The following LHFPL6 variants were observed in gnomAD, a reference collection of about 807,000 sequenced individuals.
LHFPL6 encodes LHFPL tetraspan subfamily member 6, also known as LHFPL tetraspan subfamily member 6 protein.
A neutral mutation model predicts 20.6 loss-of-function variants in LHFPL6; 9 were observed. The ratio of observed to expected loss-of-function variants is 0.44; its 90% confidence interval spans 0.26 to 0.76. LHFPL6 has a LOEUF of 0.76. Among genes scored for constraint, LHFPL6 ranks in the 30% least tolerant of loss-of-function variants. The pLI is 0.20. For missense variants in LHFPL6, 218 were observed against 253.5 expected (o/e 0.86, Z 0.95); for synonymous variants, 105 against 98.7 (o/e 1.06, Z -0.38).
At chr13:39,467,070 C>A (rs192259074) in intron 2 of LHFPL6, among the ~76,000 whole-genome samples, 4 of 150,042 alleles carry the variant, frequency 2.7e-5, no homozygotes, top group Admixed American at 2.6e-4. Flanking sequence ...CAAGGAGCTA[C>A]AGCAAATATG....
intron 3 of LHFPL6, among the ~76,000 whole-genome samples, chr13:39,353,168 A>C (rs933487050): frequency 1.3e-5 from 2 of 150,242 alleles, no homozygotes; most frequent in Non-Finnish European, 3.0e-5. Flanking sequence ...TTTTTAGTAG[A>C]GATGATGGGG....
chr13:39,454,823 T>G (rs1384285796), intron 2 of LHFPL6, among the ~76,000 whole-genome samples: 1 of 152,206 alleles, frequency 6.6e-6, no homozygotes, highest in Non-Finnish European at 1.5e-5. Flanking sequence ...GTCTTCCTAC[T>G]GATACATTTA....
chr13:39,479,556 T>C (rs1023850147), intron 2 of LHFPL6, among the ~76,000 whole-genome samples: 2 of 152,110 alleles, frequency 1.3e-5, no homozygotes. Context: ...TAGAAAAGCA[T>C]CAACAGTAAT....
chr13:39,364,097 G>A (rs1001444595), intron 3 of LHFPL6, among the ~76,000 whole-genome samples: 1 of 152,138 alleles, frequency 6.6e-6, no homozygotes, highest in Non-Finnish European at 1.5e-5. Context: ...TATGTAGTGC[G>A]TGACTGTACT....
chr13:39,580,008 T>A (rs750899), intron 2 of LHFPL6, among the ~76,000 whole-genome samples: 1 of 152,136 alleles, frequency 6.6e-6, no homozygotes, highest in African/African-American at 2.4e-5. Flanking sequence ...AAAATGTATA[T>A]AAACATTTAT....
chr13:39,569,518 A>G lies in LHFPL6; in HGVS notation c.385+31314T>C, dbSNP rs542882199. Among the ~76,000 whole-genome samples, 6 of 152,334 alleles carry G rather than the reference A, an allele frequency of 3.9e-5. No homozygotes were observed. The South Asian group carries it at 1.0e-3, about 26-fold the overall frequency. ...AATGGTATTATTAACCAGATGTCCTAAAAAACTTACTCAAGAAAAAGTAGA... is the reference window on the plus strand; with the variant it reads ...AATGGTATTATTAACCAGATGTCCTGAAAAACTTACTCAAGAAAAAGTAGA... On this transcript the variant is annotated intron_variant, in intron 2 of 3. Coordinates refer to ENST00000379589, the MANE Select transcript of LHFPL6 (RefSeq NM_005780.3).
intron 3 of LHFPL6, among the ~76,000 whole-genome samples, chr13:39,369,456 C>CA: frequency 6.6e-6 from 1 of 152,026 alleles, no homozygotes; most frequent in Non-Finnish European, 1.5e-5. Context: ...GTGGTTAGGC[C>CA]ATTAGTCCCT....
chr13:39,574,215 G>T (rs922072960), intron 2 of LHFPL6, among the ~76,000 whole-genome samples: 2 of 152,188 alleles, frequency 1.3e-5, no homozygotes, highest in African/African-American at 2.4e-5. Context: ...GGGCGCGGTG[G>T]CTCACGCCTG....
At chr13:39,365,383 C>G (rs934134433) in intron 3 of LHFPL6, among the ~76,000 whole-genome samples, 7 of 152,226 alleles carry the variant, frequency 4.6e-5, no homozygotes, top group South Asian at 2.1e-4. Flanking sequence ...CGGAACGGAA[C>G]TGCAGCAAGC....
intron 2 of LHFPL6, among the ~76,000 whole-genome samples, chr13:39,517,350 T>C (rs1869959543): frequency 1.3e-5 from 2 of 152,180 alleles, no homozygotes; most frequent in African/African-American, 2.4e-5. Context: ...CTGTTCACGT[T>C]CTAAGCATTC....
At chr13:39,475,477 TTTG>T (rs1261781729) in intron 2 of LHFPL6, among the ~76,000 whole-genome samples, 2 of 152,062 alleles carry the variant, frequency 1.3e-5, no homozygotes, top group Non-Finnish European at 2.9e-5. Context: ...AAAACACCTT[TTTG>T]TTGTTGTTTT....
chr13:39,591,301 A>G (rs984392833), intron 2 of LHFPL6, among the ~76,000 whole-genome samples: 4 of 152,200 alleles, frequency 2.6e-5, no homozygotes, highest in Non-Finnish European at 4.4e-5. Flanking sequence ...ATTGGGAATG[A>G]TGGTGGGGTT....
At chr13:39,435,240 T>A (rs1331548917) in intron 2 of LHFPL6, among the ~76,000 whole-genome samples, 1 of 152,098 alleles carries the variant, frequency 6.6e-6, no homozygotes, top group East Asian at 1.9e-4. Flanking sequence ...ATGAAAATAT[T>A]TCACTTGAAA....
chr13:39,587,428 G>A (rs2138545319), intron 2 of LHFPL6, among the ~76,000 whole-genome samples: 1 of 152,224 alleles, frequency 6.6e-6, no homozygotes, highest in South Asian at 2.1e-4. Flanking sequence ...CAGTCACAAT[G>A]TCACTCCTGC....
chr13:39,482,346 A>T (rs1388073407), intron 2 of LHFPL6, among the ~76,000 whole-genome samples: 2 of 152,108 alleles, frequency 1.3e-5, no homozygotes, highest in Non-Finnish European at 2.9e-5. Context: ...CAGGAGGCTG[A>T]GGCAGGAGAA....
intron 2 of LHFPL6, among the ~76,000 whole-genome samples, chr13:39,460,683 G>A (rs1872668739): frequency 6.6e-6 from 1 of 152,186 alleles, no homozygotes; most frequent in African/African-American, 2.4e-5. Context: ...CCTAACAGAT[G>A]CTCTAGGTAG....
intron 2 of LHFPL6, among the ~76,000 whole-genome samples, chr13:39,552,430 G>A (rs1566139435): frequency 1.3e-5 from 2 of 152,056 alleles, no homozygotes; most frequent in Admixed American, 6.5e-5. Flanking sequence ...CACTGTCACT[G>A]TCATGAACAG....
At chr13:39,395,065 A>C (rs879519345) in intron 2 of LHFPL6, among the ~76,000 whole-genome samples, 11 of 152,100 alleles carry the variant, frequency 7.2e-5, no homozygotes, top group Non-Finnish European at 1.6e-4. Flanking sequence ...AAGTGTCCAG[A>C]GGTGTGAAAG....
At chr13:39,541,711 G>A (rs1485811443) in intron 2 of LHFPL6, among the ~76,000 whole-genome samples, 1 of 152,098 alleles carries the variant, frequency 6.6e-6, no homozygotes, top group African/African-American at 2.4e-5. Context: ...ATATGCTACA[G>A]AGCAGGGATC....
Sources: allele counts gnomAD v4.1 joint callset (sites outside exome capture counted in the v4.1 genomes callset), GRCh38; gene constraint gnomAD v4.1.1; transcripts MANE v1.5; gene names NCBI Gene and HGNC (gene_info 2026-07-23, HGNC 2026-07-21).